Variants in TRIP12 observed in about 807,000 individuals in gnomAD.
The protein encoded by TRIP12 is E3 ubiquitin-protein ligase TRIP12.
TRIP12 carries 25 observed loss-of-function variants against 244.2 expected under a neutral mutation model. The ratio of observed to expected loss-of-function variants is 0.10; its 90% CI spans 0.07 to 0.14. TRIP12 has a LOEUF of 0.14. TRIP12 is among the 10% of genes least tolerant of loss of function. The pLI is 1.00. For synonymous variants in TRIP12, 905 were observed against 873.1 expected (o/e 1.04, Z -0.64); for missense variants, 1,677 against 2,486.4 (o/e 0.67, Z 6.92).
chr2:229,802,108 T>G (rs1052860819), intron 21 of TRIP12, 144 bp downstream of exon 21: 11 of 552,760 alleles, frequency 2.0e-5, no homozygotes, highest in Non-Finnish European at 3.1e-5. Context: ...AATGTTTTCT[T>G]CCCATTCTCA....
chr2:229,788,710 C>T (rs925506623), intron 32 of TRIP12, 88 bp downstream of exon 32: 3 of 1,487,336 alleles, frequency 2.0e-6, no homozygotes, highest in Non-Finnish European at 2.7e-6. Flanking sequence ...TGACTAGGTC[C>T]AGTAAAGACA....
chr2:229,814,210 T>TC, intron 12 of TRIP12, 23 bp downstream of exon 12: 2 of 1,609,512 alleles, frequency 1.2e-6, no homozygotes, highest in Non-Finnish European at 1.7e-6. Context: ...TGAAATGTAG[T>TC]CCCCTTCAGT....
Position 229,767,703 on chromosome 2 carries a change from C to T in TRIP12, c.6055G>A (p.Glu2019Lys). The change falls in exon 42 of 42, where the codon GAA becomes AAA. Residue 2019 changes from glutamate to lysine, a missense_variant. Coordinates refer to ENST00000675903, the MANE Select transcript of TRIP12 (RefSeq NM_001348323.3). Reference sequence around the variant, plus strand: ...AAGTCATCTGGGTTTTCTGTTGATTCAAACGTCTTTCGGACAATTGTCAAA... The same window carrying T: ...AAGTCATCTGGGTTTTCTGTTGATTTAAACGTCTTTCGGACAATTGTCAAA... ...PPLTIVRKTF[E>K]STENPDDFLP... The T allele has an allele frequency of 2.5e-6, 4 of 1,613,968 alleles. No individual in the cohort carries two copies. The highest frequency in any genetic ancestry group is 2.5e-6 in the Non-Finnish European group (3 of 1,179,972).
chr2:229,842,337 A>G (rs1381308894), intron 4 of TRIP12, among the ~76,000 whole-genome samples: 1 of 152,194 alleles, frequency 6.6e-6, no homozygotes, highest in African/African-American at 2.4e-5. Context: ...AGGGCACACA[A>G]TCTGGTCACC....
At chr2:229,807,526 G>C (rs1163217198) in intron 17 of TRIP12, 182 bp downstream of exon 17, 1 of 711,680 alleles carries the variant, frequency 1.4e-6, no homozygotes, top group Non-Finnish European at 2.4e-6. Flanking sequence ...AGCAGGACTA[G>C]AACATGAAGT....
chr2:229,791,645 GATT>G, intron 29 of TRIP12: 1 of 565,134 alleles, frequency 1.8e-6, no homozygotes, highest in South Asian at 2.3e-5. Flanking sequence ...TGTAAACCAT[GATT>G]ACTGTCCATG....
At chr2:229,809,019 G>C (rs2046578438) in intron 15 of TRIP12, among the ~76,000 whole-genome samples, 2 of 152,176 alleles carry the variant, frequency 1.3e-5, no homozygotes, top group African/African-American at 4.8e-5. Flanking sequence ...CCTAAGGAAA[G>C]CTGAAACCTA....
chr2:229,895,991 A>T (rs890169909), intron 1 of TRIP12, among the ~76,000 whole-genome samples: 1 of 152,104 alleles, frequency 6.6e-6, no homozygotes, highest in Non-Finnish European at 1.5e-5. Context: ...ATCTCTAAAA[A>T]AATAATAATA....
At chr2:229,864,004 A>AAGAGAG (rs1163408528) in intron 2 of TRIP12, among the ~76,000 whole-genome samples, 1,346 of 79,736 alleles carry the variant, frequency 0.017, 12 homozygotes, top group Middle Eastern at 0.027. Context: ...ATTTGGGTGA[A>AAGAGAG]AGAGAGAGAG....
intron 1 of TRIP12, among the ~76,000 whole-genome samples, chr2:229,896,876 A>T (rs2068987740): frequency 6.6e-6 from 1 of 152,218 alleles, no homozygotes; most frequent in Non-Finnish European, 1.5e-5. Flanking sequence ...GGGTGGTAAA[A>T]ATTACAGTTT....
chr2:229,860,195 A>C (rs1388596835), intron 3 of TRIP12, among the ~76,000 whole-genome samples: 1 of 152,224 alleles, frequency 6.6e-6, no homozygotes, highest in Non-Finnish European at 1.5e-5. Flanking sequence ...CTCCAAACAA[A>C]AATATCATTT....
rs1300925899 is a variant in TRIP12 at position 229,791,235 on chromosome 2, C to T, written c.4432G>A (p.Glu1478Lys). 6.2e-7 allele frequency: 1 copy of T among 1,614,096 alleles called. No individual in the cohort carries two copies. ...THTIWYKPVR[E>K]DEESNKDCVG... The stretch of plus-strand genomic sequence containing the variant: ...CAATCTTTATTACTTTCTTCATCCT[C>T]TCTCACAGGTTTATACCTAAAATGA... Residue 1478 changes from glutamate (E) to lysine (K), a missense_variant, in exon 30 of 42, where the codon GAG becomes AAG. By Grantham distance (56) the Glu-to-Lys change is moderately conservative. Transcript: ENST00000675903.
At chr2:229,858,732 CT>C in intron 4 of TRIP12, 39 bp downstream of exon 4, 4 of 1,503,936 alleles carry the variant, frequency 2.7e-6, no homozygotes, top group Non-Finnish European at 3.6e-6. Context: ...CCAAGAGAAA[CT>C]TTCTTTAATT....
In TRIP12 at chr2:229,767,755, T is replaced by TTAAGAGAAAAAGAAAGACAAG; in HGVS notation, c.6008-26_6008-6dup. ...GTGGATTCAAACTCCGGAATCCTGA[T>TTAAGAGAAAAAGAAAGACAAG]TAAGAGAAAAAGAAAGACAAGGAAC... On this transcript the variant is annotated splice_polypyrimidine_tract_variant and splice_region_variant and intron_variant, in intron 41 of 41. Coordinates refer to ENST00000675903, the MANE Select transcript of TRIP12 (RefSeq NM_001348323.3). 1 of 1,599,154 alleles carries TTAAGAGAAAAAGAAAGACAAG rather than the reference T, an allele frequency of 6.3e-7. No homozygotes were observed. The highest frequency in any genetic ancestry group is 8.5e-7 in the Non-Finnish European group (1 of 1,175,388).
chr2:229,819,488 T>G (rs776513583), intron 8 of TRIP12, among the ~76,000 whole-genome samples: 10 of 152,182 alleles, frequency 6.6e-5, no homozygotes, highest in Non-Finnish European at 1.2e-4. Flanking sequence ...GAGGTTGCAG[T>G]GAGCCGAGAT....
At chr2:229,868,692 T>C (rs2061987132) in intron 2 of TRIP12, among the ~76,000 whole-genome samples, 1 of 151,980 alleles carries the variant, frequency 6.6e-6, no homozygotes, top group African/African-American at 2.4e-5. Context: ...AATTAAAGAA[T>C]ATAAAAGGAA....
intron 16 of TRIP12, 149 bp from the exon 17 acceptor site, chr2:229,808,013 T>C: frequency 1.2e-6 from 1 of 865,862 alleles, no homozygotes. Context: ...TCGCCCAGGC[T>C]GGATGGCAGT....
At chr2:229,879,099 A>C (rs1015497031) in intron 2 of TRIP12, among the ~76,000 whole-genome samples, 7 of 151,966 alleles carry the variant, frequency 4.6e-5, no homozygotes, top group Non-Finnish European at 8.8e-5. Context: ...TGTCTCAAAA[A>C]ACATTAGCTG....
intron 4 of TRIP12, among the ~76,000 whole-genome samples, chr2:229,846,254 G>A (rs947766450): frequency 2.0e-5 from 3 of 152,040 alleles, no homozygotes; most frequent in African/African-American, 4.8e-5. Flanking sequence ...ATCTTTCGTG[G>A]AAGCAAAAGT....
Sources: allele counts gnomAD v4.1 joint callset (sites outside exome capture counted in the v4.1 genomes callset), GRCh38; gene constraint gnomAD v4.1.1; transcripts MANE v1.5; gene names NCBI Gene and HGNC (gene_info 2026-07-23, HGNC 2026-07-21).